The following SPAST variants were observed in gnomAD, a reference collection of about 807,000 sequenced individuals.
SPAST encodes the protein spastic paraplegia 4 (autosomal dominant; spastin).
A neutral mutation model predicts 76.6 loss-of-function variants in SPAST; 30 were observed. That is an observed-to-expected ratio of 0.39 (90% CI 0.29 to 0.53). The LOEUF is 0.53. Ranked by LOEUF, SPAST falls within the 20% of genes least tolerant of loss-of-function variation. The probability of loss-of-function intolerance (pLI) is 0.68; values close to 1 mark genes in which losing one functional copy is unlikely to be tolerated. For missense variants in SPAST, 717 were observed against 770.5 expected, an observed-to-expected ratio of 0.93 and a Z score of 0.82; for synonymous variants, 305 against 281.0, an observed-to-expected ratio of 1.09 and a Z score of -0.86.
rs375585004 is a variant in SPAST, at chr2:32,089,199, ATTTTTT to A, written c.503-309_503-304del. Among the ~76,000 whole-genome samples, 431 of 89,890 alleles carry A rather than the reference ATTTTTT, an allele frequency of 4.8e-3. 5 individuals are homozygous for A. Among genetic ancestry groups the A allele is most frequent in the African/African-American group, 0.016 (407 of 24,848 alleles). The allele number at this position is 89,890 out of a possible 152,430, so 59.0% of individuals were successfully genotyped here. On this transcript the variant is annotated intron_variant, in intron 2 of 16. Transcript: ENST00000315285. ...CAACTCACCCTCCCATGCTCGGCTA[ATTTTTT>A]TTTTTTTTTTTTTAAGTAGAGACCA...
chr2:32,073,448 GA>G (rs1676830472), intron 1 of SPAST, among the ~76,000 whole-genome samples: 2 of 152,176 alleles, frequency 1.3e-5, no homozygotes, highest in Admixed American at 1.3e-4. Flanking sequence ...GCAAAGTATA[GA>G]TTGTCTACTC....
chr2:32,085,190 C>CTT (rs1395254231), intron 1 of SPAST, among the ~76,000 whole-genome samples: 1 of 142,116 alleles, frequency 7.0e-6, no homozygotes, highest in African/African-American at 2.6e-5. Context: ...TTAATAATTT[C>CTT]TTTTTCTTCT....
chr2:32,141,945 A>T lies in SPAST; in HGVS notation c.1535A>T (p.Glu512Val). Residue 512 changes from glutamate to valine, a missense_variant and splice_region_variant, in exon 13 of 17, where the codon GAG (glutamate) becomes GTG (valine). Around this residue, in one of 3 missense-constraint regions of SPAST, gnomAD observed 96 missense variants for 127.6 expected, o/e 0.75. Coordinates refer to ENST00000315285, the MANE Select transcript of SPAST (RefSeq NM_014946.4). Reference protein sequence around the residue: ...KRVYVSLPNEETRLLLLKNLL... With the variant: ...KRVYVSLPNEVTRLLLLKNLL... ...GTATATGTGTCTTTACCAAATGAGG[A>T]GGTATGTATCTGTGTTTGAATTTTT... is the stretch of plus-strand genomic sequence containing the variant. 6.2e-7 allele frequency: 1 copy of T among 1,611,434 alleles called. No homozygotes were observed. Among genetic ancestry groups the T allele is most frequent in the Non-Finnish European group, 8.5e-7 (1 of 1,178,318 alleles).
chr2:32,116,588 T>A (rs1678844509), intron 7 of SPAST, among the ~76,000 whole-genome samples: 1 of 152,132 alleles, frequency 6.6e-6, no homozygotes, highest in Non-Finnish European at 1.5e-5. Context: ...TGCCTCAGCC[T>A]CCCAAGTAGC....
chr2:32,098,941 A>G (rs777921173), intron 4 of SPAST, 50 bp downstream of exon 4: 1 of 1,215,650 alleles, frequency 8.2e-7, no homozygotes, highest in Non-Finnish European at 1.2e-6. Flanking sequence ...ATGCAAAGTA[A>G]GAGTCTTACT....
chr2:32,084,819 G>A (rs1445201553), intron 1 of SPAST, among the ~76,000 whole-genome samples: 1 of 143,344 alleles, frequency 7.0e-6, no homozygotes, highest in Non-Finnish European at 1.5e-5. Flanking sequence ...CCTGGGAAAT[G>A]GAGGTTGTAG....
intron 1 of SPAST, among the ~76,000 whole-genome samples, chr2:32,085,929 C>G (rs1328004376): frequency 6.6e-6 from 1 of 151,968 alleles, no homozygotes; most frequent in East Asian, 1.9e-4. Context: ...GTAACCCCAG[C>G]TACTCGGGAG....
intron 4 of SPAST, among the ~76,000 whole-genome samples, chr2:32,105,299 C>A (rs1027087272): frequency 6.6e-6 from 1 of 152,164 alleles, no homozygotes; most frequent in South Asian, 2.1e-4. Flanking sequence ...GTTTTCAGCT[C>A]CATCAGGCCA....
intron 4 of SPAST, among the ~76,000 whole-genome samples, chr2:32,108,788 CAG>C (rs1363975859): frequency 1.2e-5 from 1 of 82,128 alleles, no homozygotes; most frequent in African/African-American, 5.1e-5. Context: ...TTTTTTGTGA[CAG>C]AGTCTCACTC....
At chr2:32,083,774 A>G (rs1282301438) in intron 1 of SPAST, among the ~76,000 whole-genome samples, 1 of 54,398 alleles carries the variant, frequency 1.8e-5, no homozygotes, top group Non-Finnish European at 3.4e-5. Flanking sequence ...ATATATATAT[A>G]TATTTTTTTT....
chr2:32,104,920 A>G (rs1678260914), intron 4 of SPAST, among the ~76,000 whole-genome samples: 1 of 152,074 alleles, frequency 6.6e-6, no homozygotes, highest in Admixed American at 6.6e-5. Flanking sequence ...GAATCTGACA[A>G]TTATGTGTCT....
chr2:32,092,808 G>A (rs527706224), intron 3 of SPAST, among the ~76,000 whole-genome samples: 52 of 152,150 alleles, frequency 3.4e-4, no homozygotes, highest in African/African-American at 1.2e-3. Flanking sequence ...AGGAGTTCAC[G>A]ACCAGTCTGG....
chr2:32,079,372 G>A (rs1286648121), intron 1 of SPAST, among the ~76,000 whole-genome samples: 1 of 151,812 alleles, frequency 6.6e-6, no homozygotes, highest in Non-Finnish European at 1.5e-5. Flanking sequence ...TTAACCAGGT[G>A]TGGTGGTGCA....
intron 12 of SPAST, among the ~76,000 whole-genome samples, chr2:32,139,243 G>C (rs574903546): frequency 6.6e-6 from 1 of 152,066 alleles, no homozygotes; most frequent in African/African-American, 2.4e-5. Flanking sequence ...AAATTGCTTT[G>C]GGCAGTATAG....
At chr2:32,111,407 G>A (rs1678598528) in intron 4 of SPAST, among the ~76,000 whole-genome samples, 1 of 148,676 alleles carries the variant, frequency 6.7e-6, no homozygotes, top group Admixed American at 6.8e-5. Context: ...TATATATATA[G>A]TATACTGTAT....
At chr2:32,141,140 C>G (rs562105930) in intron 12 of SPAST, among the ~76,000 whole-genome samples, 1 of 152,046 alleles carries the variant, frequency 6.6e-6, no homozygotes, top group East Asian at 1.9e-4. Flanking sequence ...GAAGCCCTAC[C>G]TAATAATGAA....
At chr2:32,141,992 G>A in intron 13 of SPAST, 46 bp downstream of exon 13, 1 of 1,372,240 alleles carries the variant, frequency 7.3e-7, no homozygotes, top group Non-Finnish European at 1.0e-6. Context: ...GCAGAAACAA[G>A]AACTACCATC....
intron 1 of SPAST, among the ~76,000 whole-genome samples, chr2:32,079,341 G>A (rs901812053): frequency 6.6e-6 from 1 of 151,594 alleles, no homozygotes; most frequent in Non-Finnish European, 1.5e-5. Flanking sequence ...TATAGTGAGA[G>A]ACCCTGTCTT....
At chr2:32,140,291 A>G (rs1679674089) in intron 12 of SPAST, among the ~76,000 whole-genome samples, 1 of 151,920 alleles carries the variant, frequency 6.6e-6, no homozygotes, top group Non-Finnish European at 1.5e-5. Flanking sequence ...CTGTTATTCT[A>G]CTTTTCATCT....
Sources: allele counts gnomAD v4.1 joint callset (sites outside exome capture counted in the v4.1 genomes callset), GRCh38; gene constraint gnomAD v4.1.1; regional missense constraint gnomAD v4.1.1; transcripts MANE v1.5; gene names NCBI Gene and HGNC (gene_info 2026-07-23, HGNC 2026-07-21).